Variants in RILPL1 observed in about 807,000 individuals in gnomAD.
RILPL1 encodes the protein Rab interacting lysosomal protein like 1.
In RILPL1, 33 loss-of-function variants were observed where a neutral mutation model predicts 50.3. The observed-to-expected ratio is 0.66, with a 90% CI of 0.50 to 0.88. The LOEUF (loss-of-function observed/expected upper bound fraction) is 0.88, where lower values mean the gene tolerates loss of function less well. Among genes scored for constraint, RILPL1 ranks in the 40% least tolerant of loss-of-function variants. The probability of loss-of-function intolerance (pLI) is 0.00; values close to 1 mark genes in which losing one functional copy is unlikely to be tolerated. For synonymous variants in RILPL1, 205 were observed against 228.6 expected, an observed-to-expected ratio of 0.90 and a Z score of 0.93; for missense variants, 418 against 542.5, an observed-to-expected ratio of 0.77 and a Z score of 2.28.
Position 123,491,143 on chromosome 12 carries a change from C to T in RILPL1, c.802-5338G>A, listed in dbSNP as rs1387372902. ...CCACCAGGCAGTGACCGCAGGGCCA[C>T]GGGCAGCCCAGGACTATCCGGTTCA... On this transcript the variant is annotated intron_variant, in intron 4 of 6. Transcript: ENST00000376874. This position sits in a 1 kb window ranked among gnomAD's most constrained non-coding sequence, Gnocchi z 4.0. Among the ~76,000 whole-genome samples, 2 of 152,186 alleles carry T rather than the reference C, an allele frequency of 1.3e-5. No homozygotes were observed. The highest frequency in any genetic ancestry group is 1.9e-4 in the East Asian group (1 of 5,198).
rs543223775 is a variant in RILPL1 at position 123,485,738 on chromosome 12, T to C, written c.869A>G (p.Asn290Ser). The C allele has an allele frequency of 1.4e-5, 23 of 1,613,136 alleles. No homozygotes were observed. Among genetic ancestry groups the C allele is most frequent in the Admixed American group, 6.7e-5 (4 of 59,906 alleles). ...EKVAMDLKDP[N>S]RPRFTLQELR... The stretch of plus-strand genomic sequence containing the variant: ...CTCCTGCAGGGTGAACCGGGGGCGG[T>C]TGGGGTCCTTGAGATCCATGGCCAC... Residue 290 changes from asparagine (N) to serine (S), a missense_variant, in exon 5 of 7, where the codon AAC becomes AGC. Coordinates refer to ENST00000376874, the MANE Select transcript of RILPL1 (RefSeq NM_178314.5). This position sits in a 1 kb window ranked among gnomAD's most constrained non-coding sequence, Gnocchi z 4.0.
chr12:123,494,164 A>G (rs144700280), intron 4 of RILPL1, among the ~76,000 whole-genome samples: 420 of 152,232 alleles, frequency 2.8e-3, no homozygotes, highest in African/African-American at 9.7e-3. Flanking sequence ...CAGTGAACCT[A>G]CTGAGTCAAG....
At chr12:123,530,263 T>G (rs1434415193) in intron 1 of RILPL1, among the ~76,000 whole-genome samples, 2 of 152,126 alleles carry the variant, frequency 1.3e-5, no homozygotes, top group African/African-American at 4.8e-5. Context: ...CCTCCCGGGT[T>G]CAAGCGATTC....
At position 123,489,276 on chromosome 12, in the gene RILPL1, C is replaced by T. The variant is rs1882537776; in HGVS notation, c.802-3471G>A. Among the ~76,000 whole-genome samples the T allele has an allele frequency of 6.6e-6, 1 of 152,112 alleles. No homozygotes were observed. The highest frequency in any genetic ancestry group is 2.4e-5 in the African/African-American group (1 of 41,406). On this transcript the variant is annotated intron_variant, in intron 4 of 6. Coordinates refer to ENST00000376874, the MANE Select transcript of RILPL1 (RefSeq NM_178314.5). The surrounding 1 kb of genome is among the most constrained non-coding windows in gnomAD (Gnocchi z 4.0). ...GTGGCTCACACCTGTAATCCCAGTA[C>T]TTTGGGAGGCTGAGGCAGGCGGATC... is the stretch of plus-strand genomic sequence containing the variant.
chr12:123,499,194 G>A (rs1217908046), intron 3 of RILPL1, among the ~76,000 whole-genome samples: 1 of 152,164 alleles, frequency 6.6e-6, no homozygotes, highest in African/African-American at 2.4e-5. Flanking sequence ...CCCAGGAGGC[G>A]GGAGGAGCCT....
At position 123,485,516 on chromosome 12, in the gene RILPL1, CA is replaced by C. The variant is rs987217987; in HGVS notation, c.974+116del. ...AGTTCTTTAGGCCAGAGAGGGTACC[CA>C]AAAAAAACACTGATGAAATGCTTGT... On this transcript the variant is annotated intron_variant, in intron 5 of 6. Transcript: ENST00000376874. The surrounding 1 kb of genome is among the most constrained non-coding windows in gnomAD (Gnocchi z 4.0). 82 of 980,218 alleles carry C rather than the reference CA, an allele frequency of 8.4e-5. No homozygotes were observed. Among genetic ancestry groups the C allele is most frequent in the Middle Eastern group, 2.1e-4 (1 of 4,822 alleles). 60.7% of individuals were successfully genotyped at this position (980,218 alleles called of 1,614,324 possible).
chr12:123,494,927 T>C (rs1882931759), intron 4 of RILPL1, among the ~76,000 whole-genome samples: 1 of 152,206 alleles, frequency 6.6e-6, no homozygotes. Context: ...CGACAGCTGT[T>C]GTCTCTGCCT....
chr12:123,517,210 C>T (rs528933029), intron 2 of RILPL1, among the ~76,000 whole-genome samples: 1 of 152,214 alleles, frequency 6.6e-6, no homozygotes, highest in Admixed American at 6.5e-5. Flanking sequence ...TGCCGACAGC[C>T]CCCAGAGGCA....
At chr12:123,508,261 G>A (rs1444883884) in intron 2 of RILPL1, among the ~76,000 whole-genome samples, 15 of 152,254 alleles carry the variant, frequency 9.9e-5, no homozygotes, top group African/African-American at 3.1e-4. Context: ...AGGCGTGGTG[G>A]CCCACGCCTA....
chr12:123,509,559 G>A lies in RILPL1; in HGVS notation c.461-10023C>T, dbSNP rs539130373. Among the ~76,000 whole-genome samples the A allele has an allele frequency of 3.5e-5, 5 of 141,554 alleles. No individual in the cohort carries two copies. In the South Asian group the frequency reaches 8.8e-4, roughly 25 times the overall value. 92.9% of individuals were successfully genotyped at this position (141,554 alleles called of 152,430 possible). Reference sequence around the variant, plus strand: ...GCCCGAGTAACAAGAGCAAAACTCCGTCTCAAAAAAAAAAAAAAAAAGAAG... The same window carrying A: ...GCCCGAGTAACAAGAGCAAAACTCCATCTCAAAAAAAAAAAAAAAAAGAAG... On this transcript the variant is annotated intron_variant, in intron 2 of 6. Transcript: ENST00000376874.
intron 4 of RILPL1, among the ~76,000 whole-genome samples, chr12:123,497,192 G>A (rs1305219265): frequency 6.6e-6 from 1 of 152,182 alleles, no homozygotes; most frequent in Non-Finnish European, 1.5e-5. Flanking sequence ...ATCTGCTGAT[G>A]GACATGTGGG....
At chr12:123,521,977 G>C (rs1885084467) in intron 2 of RILPL1, among the ~76,000 whole-genome samples, 1 of 151,882 alleles carries the variant, frequency 6.6e-6, no homozygotes, top group African/African-American at 2.4e-5. Flanking sequence ...GTTTCATCAC[G>C]TTGGCCAGGC....
At chr12:123,488,456 A>G (rs1161600466) in intron 4 of RILPL1, among the ~76,000 whole-genome samples, 1 of 151,824 alleles carries the variant, frequency 6.6e-6, no homozygotes, top group African/African-American at 2.4e-5. Flanking sequence ...AAAAAAAAAA[A>G]AAAAAAAGAA....
chr12:123,516,674 T>C (rs187199196), intron 2 of RILPL1, among the ~76,000 whole-genome samples: 23 of 152,156 alleles, frequency 1.5e-4, no homozygotes, highest in African/African-American at 5.3e-4. Context: ...TATTTGAAAA[T>C]AGGGTATTTG....
chr12:123,502,888 A>AT (rs969514232), intron 2 of RILPL1, among the ~76,000 whole-genome samples: 81 of 149,880 alleles, frequency 5.4e-4, no homozygotes, highest in African/African-American at 1.1e-3. Context: ...TCTAAGGGAG[A>AT]TTTTTTTTTT....
intron 4 of RILPL1, among the ~76,000 whole-genome samples, chr12:123,497,385 TTTC>T (rs1270630175): frequency 4.6e-5 from 7 of 151,980 alleles, no homozygotes; most frequent in Admixed American, 2.0e-4. Context: ...TACCTAAGAT[TTTC>T]TTTTTTTGTT....
rs114327008 is a variant in RILPL1, at chr12:123,521,085, T to C, written c.460+2410A>G. Among the ~76,000 whole-genome samples, 1,391 of 152,272 alleles carry C rather than the reference T, an allele frequency of 9.1e-3. 25 individuals are homozygous for C. The highest frequency in any genetic ancestry group is 0.031 in the African/African-American group (1,282 of 41,564). Reference sequence around the variant, plus strand: ...CCTCTCTCAGTCTAAACTTTTCTCATCTGTTCAATCAGTAGGTTGGACTGG... The same window carrying C: ...CCTCTCTCAGTCTAAACTTTTCTCACCTGTTCAATCAGTAGGTTGGACTGG... On this transcript the variant is annotated intron_variant, in intron 2 of 6. Transcript: ENST00000376874.
chr12:123,511,227 C>G (rs200320639), intron 2 of RILPL1, among the ~76,000 whole-genome samples: 703 of 32,878 alleles, frequency 0.021, no homozygotes, highest in Non-Finnish European at 0.023. Context: ...TGTGGTGTGT[C>G]TGAGGTCTGT....
At chr12:123,495,375 ATTT>A (rs34446983) in intron 4 of RILPL1, among the ~76,000 whole-genome samples, 10 of 137,150 alleles carry the variant, frequency 7.3e-5, no homozygotes, top group African/African-American at 8.2e-5. Context: ...CCTCTTAAAC[ATTT>A]TTTTTTTTTT....
Sources: gnomAD v4.1 joint callset for allele counts (sites outside exome capture counted in the v4.1 genomes callset) on GRCh38, gnomAD v4.1.1 for gene constraint, Gnocchi (gnomAD v3.1) non-coding constraint, MANE v1.5 for transcripts, NCBI Gene and HGNC (gene_info 2026-07-23, HGNC 2026-07-21) for gene names.